ZFPL1: variants seen among roughly 807,000 people sequenced by gnomAD.
ZFPL1 encodes zinc finger protein-like 1.
ZFPL1 carries 28 observed loss-of-function variants against 32.0 expected under a neutral mutation model. The ratio of observed to expected loss-of-function variants is 0.87; its 90% CI spans 0.65 to 1.20. The LOEUF is 1.20. Among genes scored for constraint, ZFPL1 ranks in the 50% most tolerant of loss-of-function variants. The pLI is 0.00. For synonymous variants in ZFPL1, 165 were observed against 177.0 expected (o/e 0.93, Z 0.54); for missense variants, 386 against 424.8 (o/e 0.91, Z 0.80).
intron 3 of ZFPL1, chr11:65,085,986 G>GGT: frequency 1.5e-5 from 3 of 197,808 alleles, no homozygotes; most frequent in South Asian, 1.5e-4. Flanking sequence ...TATAGGGAAT[G>GGT]CCACTTGTGT....
chr11:65,088,103 G>A lies in ZFPL1; in HGVS notation c.922G>A (p.Gly308Ser). ...DPLMNPHIRV[G>S]PS ...ACTCATGAACCCTCACATCCGCGTG[G>A]GCCCCTCCTGAGCCCCCTTGCTTGT... The change falls in exon 8 of 8, where the codon GGC becomes AGC. Residue 308 changes from glycine (G) to serine (S), a missense_variant. Coordinates refer to ENST00000294258, the MANE Select transcript of ZFPL1 (RefSeq NM_006782.4). 1 of 1,608,588 alleles carries A rather than the reference G, an allele frequency of 6.2e-7. No individual in the cohort carries two copies. The highest frequency in any genetic ancestry group is 8.5e-7 in the Non-Finnish European group (1 of 1,179,026).
intron 3 of ZFPL1, 121 bp downstream of exon 3, chr11:65,085,347 A>G (rs756143069): frequency 1.2e-6 from 1 of 857,232 alleles, no homozygotes; most frequent in Non-Finnish European, 1.9e-6. Flanking sequence ...CCCAGATTCT[A>G]GTCCTGTTAA....
chr11:65,085,004 C>T lies in ZFPL1; in HGVS notation c.103-111C>T, dbSNP rs905372900. The T allele has an allele frequency of 1.4e-5, 16 of 1,171,834 alleles. No individual in the cohort carries two copies. In the African/African-American group the frequency reaches 2.4e-4, roughly 18 times the overall value. 72.6% of individuals were successfully genotyped at this position (1,171,834 alleles called of 1,614,324 possible). On this transcript the variant is annotated intron_variant, in intron 2 of 7. Transcript: ENST00000294258. Reference sequence around the variant, plus strand: ...GCTCAATAAATATTTATTGATTAAACAAACGAAAGGATGAGTCTCCTCTGT... The same window carrying T: ...GCTCAATAAATATTTATTGATTAAATAAACGAAAGGATGAGTCTCCTCTGT...
At chr11:65,087,515 A>G (rs1947692005) in intron 7 of ZFPL1, 82 bp downstream of exon 7, 2 of 1,358,916 alleles carry the variant, frequency 1.5e-6, no homozygotes, top group Non-Finnish European at 2.1e-6. Context: ...GGATGGTTTC[A>G]TGACAAAAGG....
intron 6 of ZFPL1, 104 bp downstream of exon 6, chr11:65,087,178 C>T (rs370315229): frequency 3.2e-6 from 5 of 1,560,510 alleles, no homozygotes; most frequent in Admixed American, 3.6e-5. Flanking sequence ...GGAACCTTTC[C>T]TTAATCCAGG....
chr11:65,084,637 C>T (rs778474932), intron 1 of ZFPL1, 54 bp from the exon 2 acceptor site: 94 of 1,474,906 alleles, frequency 6.4e-5, no homozygotes, highest in Non-Finnish European at 8.7e-5. Flanking sequence ...CTGGTGAGAG[C>T]GTAGTGGTGG....
chr11:65,087,048 T>C lies in ZFPL1; in HGVS notation c.602T>C (p.Met201Thr). ...CCCGAGCAGCACACAGTGATCCACA[T>C]GGGCAATCCTGAGCCCTTGACTCAC... The part of the protein sequence containing the change: ...GRPEQHTVIH[M>T]GNPEPLTHAP... Residue 201 changes from methionine to threonine, a missense_variant, in exon 6 of 8, where the codon ATG becomes ACG. Physicochemically the swap from Met to Thr is moderately conservative, Grantham distance 81. Transcript: ENST00000294258. 1.9e-6 allele frequency: 3 copies of C among 1,613,758 alleles called. No individual in the cohort carries two copies. The highest frequency in any genetic ancestry group is 2.5e-6 in the Non-Finnish European group (3 of 1,179,904).
At position 65,086,941 on chromosome 11, in the gene ZFPL1, T is replaced by C. The variant is rs749748214; in HGVS notation, c.495T>C (p.Pro165=). Reference sequence around the variant, plus strand: ...TTCCACCCACAGCCAGCAGTACCCCTGGACCAGAGGAGGTAGACAGCGCCT... The same window carrying C: ...TTCCACCCACAGCCAGCAGTACCCCCGGACCAGAGGAGGTAGACAGCGCCT... ...DWSSFNASST[P]GPEEVDSASA... Residue 165 remains proline, a synonymous_variant, in exon 6 of 8, where the codon CCT becomes CCC. Transcript: ENST00000294258. 2.1e-5 allele frequency: 34 copies of C among 1,613,788 alleles called. No individual in the cohort carries two copies. The highest frequency in any genetic ancestry group is 2.9e-5 in the Non-Finnish European group (34 of 1,179,912).
intron 2 of ZFPL1, 52 bp downstream of exon 2, chr11:65,084,852 A>G (rs1277468887): frequency 6.2e-7 from 1 of 1,601,204 alleles, no homozygotes; most frequent in African/African-American, 1.3e-5. Flanking sequence ...GCAAGGCGGT[A>G]TTGGCTTCCT....
In ZFPL1 at chr11:65,087,930, G is replaced by T; in HGVS notation, c.749G>T (p.Ser250Ile). 6.4e-7 allele frequency: 1 copy of T among 1,560,272 alleles called. No individual in the cohort carries two copies. The change falls in exon 8 of 8, where the codon AGC (serine) becomes ATC (isoleucine). Residue 250 changes from serine to isoleucine, a missense_variant and splice_region_variant. By Grantham distance (142) the Ser-to-Ile change is moderately radical. Coordinates refer to ENST00000294258, the MANE Select transcript of ZFPL1 (RefSeq NM_006782.4). The stretch of plus-strand genomic sequence containing the variant: ...TGATTTTCCCCTCATCCCCCCAGGA[G>T]CCGGGCTGGGTCTCGGAAGCGGCCG... The part of the protein sequence containing the change: ...ALGWLARLLR[S>I]RAGSRKRPLT...
rs773129152 is a variant in ZFPL1 at position 65,085,142 on chromosome 11, C to A, written c.130C>A (p.Leu44Ile). The change falls in exon 3 of 8, where the codon CTC becomes ATC. Residue 44 changes from leucine to isoleucine, a missense_variant. By Grantham distance (5) the Leu-to-Ile change is conservative. Coordinates refer to ENST00000294258, the MANE Select transcript of ZFPL1 (RefSeq NM_006782.4). ...KCIVQSYLQW[L>I]QDSDYNPNCR... ...CATCGTCCAGTCCTACCTGCAATGG[C>A]TCCAAGATAGCGACTACAACCCCAA... The A allele has an allele frequency of 6.2e-7, 1 of 1,614,194 alleles. No individual in the cohort carries two copies. Among genetic ancestry groups the A allele is most frequent in the Non-Finnish European group, 8.5e-7 (1 of 1,180,036 alleles).
chr11:65,086,061 C>T (rs1947676230), intron 3 of ZFPL1: 1 of 355,466 alleles, frequency 2.8e-6, no homozygotes, highest in East Asian at 7.4e-5. Context: ...ATATGTGTGC[C>T]TGTGTGTGTA....
At chr11:65,087,701 A>T in intron 7 of ZFPL1, 1 of 620,720 alleles carries the variant, frequency 1.6e-6, no homozygotes, top group Non-Finnish European at 2.8e-6. Flanking sequence ...TAATCTTTGT[A>T]ATTCTCCCCG....
intron 2 of ZFPL1, 66 bp from the exon 3 acceptor site, chr11:65,085,038 AAAAAGAGACAG>A: frequency 7.1e-7 from 1 of 1,409,952 alleles, no homozygotes; most frequent in African/African-American, 1.4e-5. Context: ...GTGGCTAGAG[AAAAAGAGACAG>A]TCGGACCTTG....
Position 65,084,350 on chromosome 11 carries a change from G to A in ZFPL1, c.-37G>A. ...GCTACCGCCCTTCGGAACCAGTGCA[G>A]CGGCCGATCAGTAAACACAGAGACT... On this transcript the variant is annotated 5_prime_UTR_variant, in exon 1 of 8. Coordinates refer to ENST00000294258, the MANE Select transcript of ZFPL1 (RefSeq NM_006782.4). 2.0e-6 allele frequency: 1 copy of A among 510,232 alleles called. No homozygotes were observed. 31.6% of individuals were successfully genotyped at this position (510,232 alleles called of 1,614,324 possible). A position where few individuals can be genotyped will look rare whatever the true frequency, so the allele number is the denominator to read the frequency against.
chr11:65,087,374 CTG>C lies in ZFPL1; in HGVS notation c.690_691del (p.Cys230Ter), dbSNP rs1947690563. The C allele has an allele frequency of 1.2e-6, 2 of 1,614,114 alleles. No homozygotes were observed. The highest frequency in any genetic ancestry group is 1.7e-6 in the Non-Finnish European group (2 of 1,180,018). The part of the protein sequence containing the change: ...DDRTPGLHGD[C>X]DDDKYRRRPA... The stretch of plus-strand genomic sequence containing the variant: ...ACCGGACACCAGGCCTCCATGGAGA[CTG>C]TGACGATGACAAGTACCGACGTCGG... On this transcript the variant is annotated frameshift_variant, in exon 7 of 8. Coordinates refer to ENST00000294258, the MANE Select transcript of ZFPL1 (RefSeq NM_006782.4). LOFTEE classifies it high-confidence loss of function.
chr11:65,088,379 AAAC>A lies in ZFPL1; in HGVS notation c.*272_*274del, dbSNP rs777838999. On this transcript the variant is annotated 3_prime_UTR_variant, in exon 8 of 8. Coordinates refer to ENST00000294258, the MANE Select transcript of ZFPL1 (RefSeq NM_006782.4). ...CATGAAGGAGCTGGCAGGTGGAAAT[AAAC>A]AACAACTTTATTAAAACACCCGAGG... 8 of 1,441,220 alleles carry A rather than the reference AAAC, an allele frequency of 5.6e-6. No individual in the cohort carries two copies. The highest frequency in any genetic ancestry group is 3.6e-5 in the South Asian group (3 of 82,196). The allele number at this position is 1,441,220 out of a possible 1,614,324, so 89.3% of individuals were successfully genotyped here.
chr11:65,086,231 G>T, intron 3 of ZFPL1, 184 bp from the exon 4 acceptor site: 2 of 827,572 alleles, frequency 2.4e-6, no homozygotes, highest in Non-Finnish European at 1.9e-6. Context: ...GGTAGCACCT[G>T]CCTGGACTTA....
At chr11:65,087,739 T>G in intron 7 of ZFPL1, 189 bp from the exon 8 acceptor site, 1 of 654,186 alleles carries the variant, frequency 1.5e-6, no homozygotes, top group Non-Finnish European at 2.6e-6. Flanking sequence ...GTTTCCAGAA[T>G]ACAGTCGTGC....
Sources: allele counts gnomAD v4.1 joint callset, GRCh38; gene constraint gnomAD v4.1.1; transcripts MANE v1.5; gene names NCBI Gene and HGNC (gene_info 2026-07-23, HGNC 2026-07-21).